Variants in APOL6 observed in about 807,000 individuals in gnomAD.
APOL6 encodes the protein apolipoprotein L, 6.
APOL6 carries 1 observed loss-of-function variant against 2.4 expected under a neutral mutation model. That is an observed-to-expected ratio of 0.41 (90% confidence interval 0.15 to 1.94). The LOEUF (loss-of-function observed/expected upper bound fraction) is 1.94, where lower values mean the gene tolerates loss of function less well. Among genes scored for constraint, APOL6 ranks in the 30% most tolerant of loss-of-function variants. The pLI, the probability that APOL6 is intolerant of heterozygous loss-of-function variation, is 0.30. For synonymous variants in APOL6, 189 were observed against 169.3 expected, an observed-to-expected ratio of 1.12 and a Z score of -0.90; for missense variants, 438 against 429.2, an observed-to-expected ratio of 1.02 and a Z score of -0.18.
At position 35,668,039 on chromosome 22, in the gene APOL6, T is replaced by C. The variant is rs1925237112; in HGVS notation, c.*8443T>C. ...AGACCTTAAGGCTGATAAGAAGCAT[T>C]TACAATCTATTCTCTCTGAAGTCTT... On this transcript the variant is annotated 3_prime_UTR_variant, in exon 3 of 3. Transcript: ENST00000409652. 1 of 152,138 alleles carries C rather than the reference T, an allele frequency of 6.6e-6. No individual in the cohort carries two copies. Among genetic ancestry groups the C allele is most frequent in the Non-Finnish European group, 1.5e-5 (1 of 68,022 alleles). 9.4% of individuals were successfully genotyped at this position (152,138 alleles called of 1,614,324 possible).
chr22:35,654,343 A>C (rs903487004), intron 1 of APOL6, among the ~76,000 whole-genome samples: 1 of 152,148 alleles, frequency 6.6e-6, no homozygotes, highest in Admixed American at 6.5e-5. Flanking sequence ...TTGTTTCCCC[A>C]GACAAGCAGC....
chr22:35,659,403 G>A lies in APOL6; in HGVS notation c.839G>A (p.Arg280Lys). Residue 280 changes from arginine to lysine, a missense_variant, in exon 3 of 3, where the codon AGG (arginine) becomes AAG (lysine). By Grantham distance (26) the Arg-to-Lys change is conservative. Transcript: ENST00000409652. Reference protein sequence around the residue: ...ELRAKALELERKLTELTQLYK... With the variant: ...ELRAKALELEKKLTELTQLYK... The stretch of plus-strand genomic sequence containing the variant: ...AGAGCCAAGGCCTTGGAGCTGGAGA[G>A]GAAACTCACAGAACTCACCCAGCTC... The A allele has an allele frequency of 6.2e-7, 1 of 1,614,126 alleles. No homozygotes were observed. The highest frequency in any genetic ancestry group is 8.5e-7 in the Non-Finnish European group (1 of 1,180,032).
Position 35,665,266 on chromosome 22 carries a change from C to T in APOL6, c.*5670C>T, listed in dbSNP as rs1202225673. The T allele has an allele frequency of 6.6e-6, 1 of 152,142 alleles. No individual in the cohort carries two copies. Among genetic ancestry groups the T allele is most frequent in the Non-Finnish European group, 1.5e-5 (1 of 68,026 alleles). The allele number at this position is 152,142 out of a possible 1,614,324, so 9.4% of individuals were successfully genotyped here. ...GTGTATGCTTTTAAAGTCCTTGTAA[C>T]ATTGAGTTACAGGGCTTTAACTCCT... On this transcript the variant is annotated 3_prime_UTR_variant, in exon 3 of 3. Transcript: ENST00000409652.
At chr22:35,657,874 G>T (rs559591842) in intron 2 of APOL6, among the ~76,000 whole-genome samples, 1 of 152,326 alleles carries the variant, frequency 6.6e-6, no homozygotes, top group African/African-American at 2.4e-5. Flanking sequence ...CAACTGGCCT[G>T]GCAAAGATCC....
chr22:35,658,694 A>G lies in APOL6; in HGVS notation c.130A>G (p.Arg44Gly), dbSNP rs114524776. The change falls in exon 3 of 3, where the codon AGA becomes GGA. Residue 44 changes from arginine (R) to glycine (G), a missense_variant. Physicochemically the swap from Arg to Gly is moderately radical, Grantham distance 125 (BLOSUM62 -2). Coordinates refer to ENST00000409652, the MANE Select transcript of APOL6 (RefSeq NM_030641.4). ...GTCCCCCGAAGAAAAAATATTTTTGAGAGAATTTCCCAGATTGAAAGAAGA... is the reference window on the plus strand; with the variant it reads ...GTCCCCCGAAGAAAAAATATTTTTGGGAGAATTTCCCAGATTGAAAGAAGA... ...DLSPEEKIFL[R>G]EFPRLKEDLK... is the part of the protein sequence containing the mutation. 2,718 of 1,614,162 alleles carry G rather than the reference A, an allele frequency of 1.7e-3. 29 individuals are homozygous for G. In the African/African-American group the frequency reaches 0.03, roughly 18 times the overall value.
Position 35,659,577 on chromosome 22 carries a change from T to G in APOL6, c.1013T>G (p.Val338Gly), listed in dbSNP as rs768758490. Residue 338 changes from valine to glycine, a missense_variant, in exon 3 of 3, where the codon GTG becomes GGG. Physicochemically the swap from Val to Gly is moderately radical, Grantham distance 109 (BLOSUM62 -3). Coordinates refer to ENST00000409652, the MANE Select transcript of APOL6 (RefSeq NM_030641.4). ...CTGTGTGTGTGTCTGTGTGTCTGTG[T>G]GTATGTACAGTTTACATGAATGTTC... is the stretch of plus-strand genomic sequence containing the variant. ...LWLCVCLCVC[V>G]YVQFT The G allele has an allele frequency of 6.8e-6, 11 of 1,610,144 alleles. No individual in the cohort carries two copies. The highest frequency in any genetic ancestry group is 9.3e-6 in the Non-Finnish European group (11 of 1,177,930).
chr22:35,658,757 G>A lies in APOL6; in HGVS notation c.193G>A (p.Asp65Asn). The stretch of plus-strand genomic sequence containing the variant: ...CATTGACAAGCTCCGTGCCCTCGCA[G>A]ACGATATTGACAAAACCCACAAGAA... ...GNIDKLRALA[D>N]DIDKTHKKFT... The change falls in exon 3 of 3, where the codon GAC becomes AAC. Residue 65 changes from aspartate to asparagine, a missense_variant. Physicochemically the swap from Asp to Asn is conservative, Grantham distance 23. Transcript: ENST00000409652. 1 of 1,614,172 alleles carries A rather than the reference G, an allele frequency of 6.2e-7. No homozygotes were observed. The highest frequency in any genetic ancestry group is 8.5e-7 in the Non-Finnish European group (1 of 1,180,032).
In APOL6 at chr22:35,659,727, C is replaced by T; in HGVS notation, c.*131C>T. The T allele has an allele frequency of 7.5e-7, 1 of 1,332,616 alleles. No individual in the cohort carries two copies. Among genetic ancestry groups the T allele is most frequent in the Non-Finnish European group, 1.0e-6 (1 of 999,468 alleles). The allele number at this position is 1,332,616 out of a possible 1,614,324, so 82.5% of individuals were successfully genotyped here. ...GTTTCTCCTTCAATGCTCCTTAAGGCCTATGTGCTGGGAAAAGGGTCTTCC... is the reference window on the plus strand; with the variant it reads ...GTTTCTCCTTCAATGCTCCTTAAGGTCTATGTGCTGGGAAAAGGGTCTTCC... On this transcript the variant is annotated 3_prime_UTR_variant, in exon 3 of 3. Coordinates refer to ENST00000409652, the MANE Select transcript of APOL6 (RefSeq NM_030641.4).
intron 2 of APOL6, 149 bp from the exon 3 acceptor site, chr22:35,658,466 C>G: frequency 1.5e-6 from 1 of 684,738 alleles, no homozygotes; most frequent in South Asian, 2.2e-5. Context: ...GAAGGCTGAA[C>G]TACTCTACAA....
Position 35,664,218 on chromosome 22 carries a change from A to T in APOL6, c.*4622A>T, listed in dbSNP as rs987609235. The T allele has an allele frequency of 1.1e-4, 17 of 152,344 alleles. No individual in the cohort carries two copies. Among genetic ancestry groups the T allele is most frequent in the African/African-American group, 3.8e-4 (16 of 41,582 alleles). The allele number at this position is 152,344 out of a possible 1,614,324, so 9.4% of individuals were successfully genotyped here. ...ACCAGAAGGTGTCAAAATTTGGCATAGGGGTTATAAAACTATAAACCCAGC... is the reference window on the plus strand; with the variant it reads ...ACCAGAAGGTGTCAAAATTTGGCATTGGGGTTATAAAACTATAAACCCAGC... On this transcript the variant is annotated 3_prime_UTR_variant, in exon 3 of 3. Coordinates refer to ENST00000409652, the MANE Select transcript of APOL6 (RefSeq NM_030641.4).
intron 2 of APOL6, among the ~76,000 whole-genome samples, chr22:35,657,945 C>G (rs1444331378): frequency 6.6e-6 from 1 of 152,192 alleles, no homozygotes; most frequent in African/African-American, 2.4e-5. Flanking sequence ...TTGTCCCAAA[C>G]TTCTTCCATG....
chr22:35,655,037 A>T (rs946494509), intron 1 of APOL6, among the ~76,000 whole-genome samples: 1 of 151,988 alleles, frequency 6.6e-6, no homozygotes, highest in Non-Finnish European at 1.5e-5. Flanking sequence ...TTATTTGTCT[A>T]CCCACAATTT....
At position 35,656,396 on chromosome 22, in the gene APOL6, G is replaced by A; in HGVS notation, c.-30G>A. 6.2e-7 allele frequency: 1 copy of A among 1,613,814 alleles called. No individual in the cohort carries two copies. The highest frequency in any genetic ancestry group is 8.5e-7 in the Non-Finnish European group (1 of 1,179,790). On this transcript the variant is annotated 5_prime_UTR_variant, in exon 2 of 3. Coordinates refer to ENST00000409652, the MANE Select transcript of APOL6 (RefSeq NM_030641.4). Reference sequence around the variant, plus strand: ...CTGACCAGAAAATCATTTGACTCCTGGGGACACAGATTTGCTGCCACAGAG... The same window carrying A: ...CTGACCAGAAAATCATTTGACTCCTAGGGACACAGATTTGCTGCCACAGAG...
Position 35,666,045 on chromosome 22 carries a change from T to C in APOL6, c.*6449T>C, listed in dbSNP as rs1171600276. The C allele has an allele frequency of 6.6e-6, 1 of 152,210 alleles. No homozygotes were observed. Among genetic ancestry groups the C allele is most frequent in the South Asian group, 2.1e-4 (1 of 4,828 alleles). 9.4% of individuals were successfully genotyped at this position (152,210 alleles called of 1,614,324 possible). ...ATGGTGTTTGGTTTTCTTTGGGCTG[T>C]ATTTGTATAAATATGTTATTGGTGT... On this transcript the variant is annotated 3_prime_UTR_variant, in exon 3 of 3. Coordinates refer to ENST00000409652, the MANE Select transcript of APOL6 (RefSeq NM_030641.4).
Position 35,658,975 on chromosome 22 carries a change from A to C in APOL6, c.411A>C (p.Glu137Asp). 6.2e-7 allele frequency: 1 copy of C among 1,613,926 alleles called. No individual in the cohort carries two copies. Among genetic ancestry groups the C allele is most frequent in the Non-Finnish European group, 8.5e-7 (1 of 1,180,028 alleles). ...SGTLERSKNK[E>D]AQARAEDILP... Reference sequence around the variant, plus strand: ...CGTTGGAACGCTCCAAAAATAAAGAAGCCCAAGCACGGGCGGAAGACATAC... The same window carrying C: ...CGTTGGAACGCTCCAAAAATAAAGACGCCCAAGCACGGGCGGAAGACATAC... The change falls in exon 3 of 3, where the codon GAA (glutamate) becomes GAC (aspartate). Residue 137 changes from glutamate to aspartate, a missense_variant. By Grantham distance (45) the Glu-to-Asp change is conservative (BLOSUM62 2). Coordinates refer to ENST00000409652, the MANE Select transcript of APOL6 (RefSeq NM_030641.4).
At chr22:35,649,048 T>C (rs1435064383) in intron 1 of APOL6, among the ~76,000 whole-genome samples, 2 of 152,140 alleles carry the variant, frequency 1.3e-5, no homozygotes, top group Non-Finnish European at 2.9e-5. Context: ...GGGTGAGTTG[T>C]CTAGAAACTG....
chr22:35,659,111 A>G lies in APOL6; in HGVS notation c.547A>G (p.Lys183Glu). Reference protein sequence around the residue: ...NLRNTLKYAKKNVRAFWKLRA... With the variant: ...NLRNTLKYAKENVRAFWKLRA... The stretch of plus-strand genomic sequence containing the variant: ...TAGAAACACCTTGAAGTATGCCAAG[A>G]AAAACGTCCGTGCATTTTGGAAACT... Residue 183 changes from lysine to glutamate, a missense_variant, in exon 3 of 3, where the codon AAA becomes GAA. By Grantham distance (56) the Lys-to-Glu change is moderately conservative (BLOSUM62 1). Transcript: ENST00000409652. 6.2e-7 allele frequency: 1 copy of G among 1,614,174 alleles called. No homozygotes were observed. The highest frequency in any genetic ancestry group is 8.5e-7 in the Non-Finnish European group (1 of 1,180,032).
At chr22:35,657,549 G>A (rs1924878238) in intron 2 of APOL6, among the ~76,000 whole-genome samples, 1 of 152,138 alleles carries the variant, frequency 6.6e-6, no homozygotes, top group Non-Finnish European at 1.5e-5. Flanking sequence ...ACAGGTGAGA[G>A]GAAAGGCAGA....
chr22:35,663,451 C>A lies in APOL6; in HGVS notation c.*3855C>A, dbSNP rs576451032. 1.3e-5 allele frequency: 2 copies of A among 151,074 alleles called. No individual in the cohort carries two copies. The highest frequency in any genetic ancestry group is 4.2e-4 in the South Asian group (2 of 4,784). 9.4% of individuals were successfully genotyped at this position (151,074 alleles called of 1,614,324 possible). A position where few individuals can be genotyped will look rare whatever the true frequency, so the allele number is the denominator to read the frequency against. Reference sequence around the variant, plus strand: ...TTGTGCATGTTTGTATTTGAAAGGCCTTCATGTTTTTGTTTCTTGTTTGTT... The same window carrying A: ...TTGTGCATGTTTGTATTTGAAAGGCATTCATGTTTTTGTTTCTTGTTTGTT... On this transcript the variant is annotated 3_prime_UTR_variant, in exon 3 of 3. Transcript: ENST00000409652.
Sources: allele counts gnomAD v4.1 joint callset (sites outside exome capture counted in the v4.1 genomes callset), GRCh38; gene constraint gnomAD v4.1.1; transcripts MANE v1.5; gene names NCBI Gene and HGNC (gene_info 2026-07-23, HGNC 2026-07-21).